DGKB: variants seen among roughly 807,000 people sequenced by gnomAD.
DGKB encodes 90 kDa diacylglycerol kinase.
DGKB carries 67 observed loss-of-function variants against 114.3 expected under a neutral mutation model. That is an observed-to-expected ratio of 0.59 (90% CI 0.48 to 0.72). The LOEUF (loss-of-function observed/expected upper bound fraction) is 0.72. DGKB is among the 30% of genes least tolerant of loss of function. DGKB has a pLI of 0.00. For synonymous variants in DGKB, 398 were observed against 323.1 expected (o/e 1.23, Z -2.49); for missense variants, 907 against 975.2 (o/e 0.93, Z 0.93).
chr7:14,412,167 T>A (rs748656987), intron 21 of DGKB, among the ~76,000 whole-genome samples: 48 of 152,276 alleles, frequency 3.2e-4, no homozygotes, highest in Middle Eastern at 3.4e-3. Flanking sequence ...CTATAAACAT[T>A]CACCTATTCA....
At chr7:14,280,271 T>C (rs1211457089) in intron 23 of DGKB, among the ~76,000 whole-genome samples, 1 of 151,636 alleles carries the variant, frequency 6.6e-6, no homozygotes, top group Non-Finnish European at 1.5e-5. Flanking sequence ...CAATGGAAGA[T>C]GAAATGAATG....
At chr7:14,259,759 GCGTTTGC>G (rs202159989) in intron 23 of DGKB, among the ~76,000 whole-genome samples, 2,326 of 152,234 alleles carry the variant, frequency 0.015, 38 homozygotes, top group Middle Eastern at 0.037. Context: ...CATTGTCATT[GCGTTTGC>G]CTTGTAACTA....
At chr7:14,399,299 C>G (rs1222094693) in intron 21 of DGKB, among the ~76,000 whole-genome samples, 1 of 151,604 alleles carries the variant, frequency 6.6e-6, no homozygotes, top group East Asian at 1.9e-4. Flanking sequence ...TAAATAGCCA[C>G]AACTTTTTGT....
chr7:14,748,387 C>T (rs1002803101), intron 4 of DGKB, among the ~76,000 whole-genome samples: 15 of 152,252 alleles, frequency 9.9e-5, no homozygotes, highest in African/African-American at 3.6e-4. Context: ...AAATGAGAAG[C>T]TATTCTTTGA....
chr7:14,325,663 G>A (rs1442688831), intron 23 of DGKB, among the ~76,000 whole-genome samples: 2 of 152,132 alleles, frequency 1.3e-5, no homozygotes, highest in Non-Finnish European at 1.5e-5. Context: ...GTTTAAAGAT[G>A]TCCAGTCATG....
chr7:14,209,598 G>T lies in DGKB; in HGVS notation c.2123-31447C>A, dbSNP rs114178466. The stretch of plus-strand genomic sequence containing the variant: ...CAGAGGTTCACATTCAGCAAAATCT[G>T]CCCCTTAAGAGGTAAGCTTTACCAA... On this transcript the variant is annotated intron_variant, in intron 23 of 25. Coordinates refer to ENST00000402815, the MANE Select transcript of DGKB (RefSeq NM_001350709.2). 5.4e-3 allele frequency: 2,519 copies of T among 463,008 alleles called. 52 individuals carry two copies. The highest frequency in any genetic ancestry group is 0.048 in the African/African-American group (2,363 of 49,480). The allele number at this position is 463,008 out of a possible 1,614,324, so 28.7% of individuals were successfully genotyped here.
intron 2 of DGKB, among the ~76,000 whole-genome samples, chr7:14,797,640 A>G (rs1246626416): frequency 1.3e-5 from 2 of 151,032 alleles, no homozygotes; most frequent in African/African-American, 2.4e-5. Flanking sequence ...TTTACCATCT[A>G]TTTATTTTTT....
At chr7:14,382,460 AC>A (rs1174633432) in intron 21 of DGKB, among the ~76,000 whole-genome samples, 21 of 151,990 alleles carry the variant, frequency 1.4e-4, no homozygotes, top group African/African-American at 4.8e-4. Context: ...GTACACACAC[AC>A]ACACACAGAC....
intron 2 of DGKB, among the ~76,000 whole-genome samples, chr7:14,814,670 C>T (rs540560768): frequency 1.3e-5 from 2 of 152,226 alleles, no homozygotes; most frequent in East Asian, 3.9e-4. Flanking sequence ...ATTCAACTGA[C>T]AAACGTTATT....
At chr7:14,944,807 A>G (rs1416481859) in intron 1 of DGKB, among the ~76,000 whole-genome samples, 1 of 104,978 alleles carries the variant, frequency 9.5e-6, no homozygotes, top group Non-Finnish European at 1.8e-5. Flanking sequence ...TAATGCTAAG[A>G]CTGATGGAAA....
chr7:14,876,582 G>A (rs1258638559), intron 1 of DGKB, among the ~76,000 whole-genome samples: 2 of 152,152 alleles, frequency 1.3e-5, no homozygotes, highest in Non-Finnish European at 2.9e-5. Context: ...CTTAGATTTT[G>A]TTGCTTATTT....
chr7:14,955,037 G>C (rs895553236), intron 1 of DGKB, among the ~76,000 whole-genome samples: 3 of 152,050 alleles, frequency 2.0e-5, no homozygotes, highest in Admixed American at 6.6e-5. Context: ...ATCAGCTAAG[G>C]AGTCTGGAAG....
chr7:14,167,630 T>A (rs934570029), intron 25 of DGKB, among the ~76,000 whole-genome samples: 1 of 152,218 alleles, frequency 6.6e-6, no homozygotes, highest in Non-Finnish European at 1.5e-5. Context: ...CTGATGACTT[T>A]GAGAGCTGCA....
rs75051272 is a variant in DGKB at position 14,901,221 on chromosome 7, T to G, written c.-188+1371A>C. 2.9e-3 allele frequency among the ~76,000 whole-genome samples: 437 copies of G among 152,280 alleles called. 3 individuals carry two copies. The highest frequency in any genetic ancestry group is 9.8e-3 in the African/African-American group (408 of 41,570). On this transcript the variant is annotated intron_variant, in intron 1 of 25. Coordinates refer to ENST00000402815, the MANE Select transcript of DGKB (RefSeq NM_001350709.2). Reference sequence around the variant, plus strand: ...TGATGAGTAGAAAATTAGCCAAGACTATTCCAATGACATTCTTGACGTGTT... The same window carrying G: ...TGATGAGTAGAAAATTAGCCAAGACGATTCCAATGACATTCTTGACGTGTT...
At chr7:14,698,970 T>C (rs1393627889) in intron 7 of DGKB, among the ~76,000 whole-genome samples, 1 of 152,028 alleles carries the variant, frequency 6.6e-6, no homozygotes, top group East Asian at 1.9e-4. Flanking sequence ...GAATAAAGCT[T>C]GAAAGTGCAA....
At chr7:14,753,991 A>G (rs1464158146) in intron 3 of DGKB, 43 bp from the exon 4 acceptor site, 2 of 1,294,836 alleles carry the variant, frequency 1.5e-6, no homozygotes, top group South Asian at 1.3e-5. Context: ...TTAATGTAAG[A>G]TACTTTATAC....
chr7:14,204,541 C>T (rs1013199153), intron 23 of DGKB, among the ~76,000 whole-genome samples: 5 of 151,980 alleles, frequency 3.3e-5, no homozygotes, highest in East Asian at 1.9e-4. Context: ...AAACATACAA[C>T]GGCTGAGAAA....
At chr7:14,302,344 C>T (rs947511468) in intron 23 of DGKB, among the ~76,000 whole-genome samples, 56 of 152,046 alleles carry the variant, frequency 3.7e-4, no homozygotes, top group African/African-American at 1.2e-3. Context: ...CATATGATCA[C>T]TTTGTGATAA....
intron 2 of DGKB, among the ~76,000 whole-genome samples, chr7:14,837,559 T>C (rs1847328357): frequency 6.6e-6 from 1 of 152,230 alleles, no homozygotes; most frequent in African/African-American, 2.4e-5. Flanking sequence ...ACTTGATTTT[T>C]TATACTTCTT....
Sources: gnomAD v4.1 joint callset for allele counts (sites outside exome capture counted in the v4.1 genomes callset) on GRCh38, gnomAD v4.1.1 for gene constraint, MANE v1.5 for transcripts, NCBI Gene and HGNC (gene_info 2026-07-23, HGNC 2026-07-21) for gene names.